ZFAT: variants seen among roughly 807,000 people sequenced by gnomAD.
ZFAT encodes the protein zinc finger and AT-hook domain containing.
A neutral mutation model predicts 117.7 loss-of-function variants in ZFAT; 64 were observed. The ratio of observed to expected loss-of-function variants is 0.54; its 90% confidence interval spans 0.44 to 0.67. The LOEUF is 0.67. ZFAT is among the 30% of genes least tolerant of loss of function. The pLI, the probability that ZFAT is intolerant of heterozygous loss-of-function variation, is 0.00. For synonymous variants in ZFAT, 679 were observed against 615.0 expected, an observed-to-expected ratio of 1.10 and a Z score of -1.54; for missense variants, 1,433 against 1,584.5, an observed-to-expected ratio of 0.90 and a Z score of 1.62.
the ZFAT span, among the ~76,000 whole-genome samples, chr8:134,818,105 A>G: frequency 1.3e-5 from 2 of 152,242 alleles, no homozygotes; most frequent in Admixed American, 1.3e-4. Context: ...TTTTAGATAC[A>G]GTACCAAAAG....
chr8:134,497,357 G>A (rs891856201), intron 15 of ZFAT, among the ~76,000 whole-genome samples: 9 of 147,480 alleles, frequency 6.1e-5, no homozygotes, highest in Admixed American at 5.3e-4. Flanking sequence ...GGGACTGACA[G>A]CTGAGAACAG....
chr8:134,551,691 A>G (rs1434772294), intron 11 of ZFAT, among the ~76,000 whole-genome samples: 1 of 152,202 alleles, frequency 6.6e-6, no homozygotes, highest in African/African-American at 2.4e-5. Context: ...TTGCTGACAA[A>G]GTTTAGATTG....
chr8:134,699,141 T>C (rs1186756170), intron 1 of ZFAT, among the ~76,000 whole-genome samples: 1 of 152,048 alleles, frequency 6.6e-6, no homozygotes, highest in Non-Finnish European at 1.5e-5. Context: ...CCTCCCCGCA[T>C]TGCGTAGGGA....
At chr8:134,799,479 A>T in the ZFAT span, among the ~76,000 whole-genome samples, 4 of 152,256 alleles carry the variant, frequency 2.6e-5, no homozygotes, top group Admixed American at 1.3e-4. Flanking sequence ...TTAAGTAAAG[A>T]CATGAAAATG....
At chr8:134,747,726 C>G in the ZFAT span, among the ~76,000 whole-genome samples, 1 of 152,156 alleles carries the variant, frequency 6.6e-6, no homozygotes, top group Admixed American at 6.5e-5. Context: ...TTTCTTTGTT[C>G]TTATTTTGAG....
intron 2 of ZFAT, among the ~76,000 whole-genome samples, chr8:134,647,380 A>G (rs747753023): frequency 4.6e-5 from 7 of 152,224 alleles, no homozygotes; most frequent in Admixed American, 4.6e-4. Context: ...ACAACATAAT[A>G]AAGGAATGTG....
intron 1 of ZFAT, among the ~76,000 whole-genome samples, chr8:134,667,511 AAC>A (rs71576093): frequency 0.27 from 35,729 of 134,114 alleles, 4,874 homozygotes; most frequent in South Asian, 0.37. Flanking sequence ...AAAAAAAAAA[AAC>A]ATAGATGACA....
At chr8:134,793,810 G>C in the ZFAT span, 1 of 152,064 alleles carries the variant, frequency 6.6e-6, no homozygotes, top group Non-Finnish European at 1.5e-5. Context: ...AGAGACAGGT[G>C]GCCCCATTTT....
intron 10 of ZFAT, among the ~76,000 whole-genome samples, chr8:134,568,879 A>C (rs1271263925): frequency 1.3e-5 from 2 of 152,184 alleles, no homozygotes; most frequent in Non-Finnish European, 1.5e-5. Flanking sequence ...AGACCATCAG[A>C]TGGCTTTCTA....
Position 134,512,942 on chromosome 8 carries a change from C to G in ZFAT, c.3235-341G>C, listed in dbSNP as rs193185914. Among the ~76,000 whole-genome samples, 4 of 152,338 alleles carry G rather than the reference C, an allele frequency of 2.6e-5. No homozygotes were observed. In the East Asian group the frequency reaches 7.7e-4, roughly 29 times the overall value. ...GATTCTAACGGCTCCTCTGTTTCCTCCCACTGCTACCAACATCACTTCTAA... is the reference window on the plus strand; with the variant it reads ...GATTCTAACGGCTCCTCTGTTTCCTGCCACTGCTACCAACATCACTTCTAA... On this transcript the variant is annotated intron_variant, in intron 13 of 15. Coordinates refer to ENST00000377838, the MANE Select transcript of ZFAT (RefSeq NM_020863.4).
the ZFAT span, chr8:134,767,368 T>G: frequency 6.6e-6 from 1 of 152,246 alleles, no homozygotes; most frequent in Non-Finnish European, 1.5e-5. Context: ...GATGCAAATC[T>G]AGAATCAGTA....
chr8:134,804,928 G>A, the ZFAT span: 1 of 533,852 alleles, frequency 1.9e-6, no homozygotes, highest in Non-Finnish European at 3.9e-6. Context: ...GCTTCCAGTC[G>A]GGGATGTTTA....
chr8:134,512,057 C>A (rs1819890584), intron 14 of ZFAT, among the ~76,000 whole-genome samples: 1 of 152,152 alleles, frequency 6.6e-6, no homozygotes, highest in Admixed American at 6.5e-5. Flanking sequence ...GTTAGGAGAC[C>A]CAGATTCCAG....
At chr8:134,578,571 G>A (rs949868892) in intron 10 of ZFAT, among the ~76,000 whole-genome samples, 9 of 152,144 alleles carry the variant, frequency 5.9e-5, no homozygotes, top group East Asian at 1.9e-4. Flanking sequence ...GGAGGGTTCT[G>A]AACAGAGGAA....
the ZFAT span, among the ~76,000 whole-genome samples, chr8:134,799,661 A>C: frequency 1.3e-5 from 2 of 152,206 alleles, no homozygotes; most frequent in Non-Finnish European, 2.9e-5. Flanking sequence ...AACTTCCCCC[A>C]AAGTAACATA....
At position 134,641,346 on chromosome 8, in the gene ZFAT, C is replaced by T. The variant is rs191248697; in HGVS notation, c.197-3634G>A. Among the ~76,000 whole-genome samples the T allele has an allele frequency of 1.8e-3, 274 of 152,258 alleles. 2 individuals carry two copies. The highest frequency in any genetic ancestry group is 0.012 in the South Asian group (60 of 4,810). On this transcript the variant is annotated intron_variant, in intron 2 of 15. Coordinates refer to ENST00000377838, the MANE Select transcript of ZFAT (RefSeq NM_020863.4). ...TCCCCAAATATACACAGAGAATCCC[C>T]GTCTCTTTTCACTTACTTGTACTAT...
At chr8:134,502,288 A>G (rs1483830116) in intron 15 of ZFAT, among the ~76,000 whole-genome samples, 1 of 152,186 alleles carries the variant, frequency 6.6e-6, no homozygotes, top group African/African-American at 2.4e-5. Context: ...GCTTCTCCCT[A>G]CCAGGAGCCC....
At chr8:134,799,894 T>A in the ZFAT span, among the ~76,000 whole-genome samples, 1 of 152,358 alleles carries the variant, frequency 6.6e-6, no homozygotes, top group African/African-American at 2.4e-5. Context: ...CTAGCATTTA[T>A]TGAGTACTTA....
chr8:134,637,622 C>T lies in ZFAT; in HGVS notation c.287G>A (p.Ser96Asn), dbSNP rs768989445. 1 of 1,614,224 alleles carries T rather than the reference C, an allele frequency of 6.2e-7. No homozygotes were observed. The highest frequency in any genetic ancestry group is 2.2e-5 in the East Asian group (1 of 44,888). ...AGCCAGCGGGCTGTCCTCAGTCGGA[C>T]TCACGATGTTTTCTGCCAGCTCCTC... The part of the protein sequence containing the change: ...TEEELAENIV[S>N]PTEDSPLAPE... Residue 96 changes from serine (S) to asparagine (N), a missense_variant, in exon 3 of 16, where the codon AGT becomes AAT. Transcript: ENST00000377838.
Sources: allele counts gnomAD v4.1 joint callset (sites outside exome capture counted in the v4.1 genomes callset), GRCh38; gene constraint gnomAD v4.1.1; transcripts MANE v1.5; gene names NCBI Gene and HGNC (gene_info 2026-07-23, HGNC 2026-07-21).